The following SEC11C variants were observed in gnomAD, a reference collection of about 807,000 sequenced individuals.
SEC11C encodes signal peptidase complex catalytic subunit SEC11C.
A neutral mutation model predicts 21.9 loss-of-function variants in SEC11C; 10 were observed. That is an observed-to-expected ratio of 0.46 (90% CI 0.28 to 0.77). The LOEUF is 0.77. Ranked by LOEUF, SEC11C falls within the 30% of genes least tolerant of loss-of-function variation. The pLI, the probability that SEC11C is intolerant of heterozygous loss-of-function variation, is 0.12. For synonymous variants in SEC11C, 83 were observed against 85.6 expected, an observed-to-expected ratio of 0.97 and a Z score of 0.17; for missense variants, 145 against 244.5, an observed-to-expected ratio of 0.59 and a Z score of 2.71.
At chr18:59,155,361 G>A (rs576305284) in intron 3 of SEC11C, among the ~76,000 whole-genome samples, 15 of 152,150 alleles carry the variant, frequency 9.9e-5, no homozygotes, top group Admixed American at 7.9e-4. Context: ...TAGTTTATTC[G>A]TCATTCCCAG....
chr18:59,142,941 T>C (rs2144024210), intron 1 of SEC11C, among the ~76,000 whole-genome samples: 1 of 152,316 alleles, frequency 6.6e-6, no homozygotes, highest in Non-Finnish European at 1.5e-5. Context: ...GTTTAACATA[T>C]TATAGCCCAA....
chr18:59,148,905 G>A (rs908806461), intron 1 of SEC11C, among the ~76,000 whole-genome samples: 3 of 151,796 alleles, frequency 2.0e-5, no homozygotes, highest in Non-Finnish European at 4.4e-5. Flanking sequence ...GTGAGCCACT[G>A]TGCCCAGCCC....
intron 2 of SEC11C, among the ~76,000 whole-genome samples, chr18:59,151,051 T>C (rs567570074): frequency 1.3e-5 from 2 of 152,292 alleles, no homozygotes; most frequent in East Asian, 3.9e-4. Context: ...TGTGTGGTTT[T>C]TGGGGGAATC....
chr18:59,157,948 A>G (rs533431757), intron 5 of SEC11C, among the ~76,000 whole-genome samples: 138 of 152,258 alleles, frequency 9.1e-4, no homozygotes, highest in African/African-American at 3.1e-3. Context: ...AGTACCATAA[A>G]CCAGTAATGC....
rs144473060 is a variant in SEC11C at position 59,140,630 on chromosome 18, G to A, written c.87+595G>A. Among the ~76,000 whole-genome samples, 980 of 152,340 alleles carry A rather than the reference G, an allele frequency of 6.4e-3. 5 individuals are homozygous for A. The highest frequency in any genetic ancestry group is 0.022 in the African/African-American group (929 of 41,582). Reference sequence around the variant, plus strand: ...ATTGTGGACTCAACCAGTGTTCCCAGCGAGATTCCAGAAGCCTTCTCTAAC... The same window carrying A: ...ATTGTGGACTCAACCAGTGTTCCCAACGAGATTCCAGAAGCCTTCTCTAAC... On this transcript the variant is annotated intron_variant, in intron 1 of 5. Transcript: ENST00000587834.
intron 2 of SEC11C, among the ~76,000 whole-genome samples, chr18:59,151,647 C>T (rs1286163378): frequency 2.0e-5 from 3 of 152,246 alleles, no homozygotes; most frequent in East Asian, 3.9e-4. Flanking sequence ...GCCAGCTTCC[C>T]GAACTCCTGT....
In SEC11C at chr18:59,152,428, AT is replaced by A. The variant is rs2069367304; in HGVS notation, c.198-107del. ...GAAGGAAGCCACATTGGCTCGTTTT[AT>A]AGCTCCTGAGACCTACTTGACTATT... On this transcript the variant is annotated intron_variant, in intron 2 of 5. Transcript: ENST00000587834. 6 of 1,244,788 alleles carry A rather than the reference AT, an allele frequency of 4.8e-6. No individual in the cohort carries two copies. The East Asian group carries it at 1.5e-4, about 31-fold the overall frequency. The allele number at this position is 1,244,788 out of a possible 1,614,324, so 77.1% of individuals were successfully genotyped here.
chr18:59,155,548 AGACT>A, intron 3 of SEC11C, 136 bp from the exon 4 acceptor site: 1 of 757,922 alleles, frequency 1.3e-6, no homozygotes, highest in South Asian at 1.9e-5. Context: ...CAGTCATCTT[AGACT>A]AAAGGAAGGT....
At chr18:59,154,419 G>C (rs180886747) in intron 3 of SEC11C, among the ~76,000 whole-genome samples, 101 of 152,042 alleles carry the variant, frequency 6.6e-4, no homozygotes, top group Admixed American at 1.4e-3. Context: ...TTTTTCATCT[G>C]TCTTACTGAA....
At chr18:59,141,144 T>TC (rs11422041) in intron 1 of SEC11C, among the ~76,000 whole-genome samples, 12,536 of 147,606 alleles carry the variant, frequency 0.085, 1,717 homozygotes, top group African/African-American at 0.28. Context: ...TACGTGTTTT[T>TC]CCCCTCTCAC....
At chr18:59,157,551 G>T in intron 4 of SEC11C, 57 bp from the exon 5 acceptor site, 1 of 1,123,956 alleles carries the variant, frequency 8.9e-7, no homozygotes, top group Non-Finnish European at 1.4e-6. Flanking sequence ...TTCAGATGTT[G>T]CCATCATCAT....
At chr18:59,144,925 C>T (rs900924504) in intron 1 of SEC11C, among the ~76,000 whole-genome samples, 2 of 151,962 alleles carry the variant, frequency 1.3e-5, no homozygotes, top group African/African-American at 4.8e-5. Flanking sequence ...GATTTGTTTG[C>T]ACTCACCATT....
intron 1 of SEC11C, 89 bp downstream of exon 1, chr18:59,140,124 A>G (rs2069192306): frequency 2.4e-6 from 3 of 1,229,818 alleles, no homozygotes; most frequent in Non-Finnish European, 3.3e-6. Flanking sequence ...TCCGGCTCCC[A>G]GTGAATGCGG....
chr18:59,149,469 T>C (rs768428619), intron 1 of SEC11C, 44 bp from the exon 2 acceptor site: 1 of 1,303,742 alleles, frequency 7.7e-7, no homozygotes, highest in Admixed American at 1.7e-5. Context: ...TTGGTGGATC[T>C]TCTGCTATTG....
At chr18:59,155,539 A>T in intron 3 of SEC11C, 149 bp from the exon 4 acceptor site, 1 of 670,686 alleles carries the variant, frequency 1.5e-6, no homozygotes, top group Non-Finnish European at 2.4e-6. Context: ...TGTCTTAAGC[A>T]GTCATCTTAG....
rs528338795 is a variant in SEC11C at position 59,158,802 on chromosome 18, G to A, written c.*117G>A. On this transcript the variant is annotated 3_prime_UTR_variant, in exon 6 of 6. Transcript: ENST00000587834. ...AAGGGAACAGTGTGGAGATGTTTTT[G>A]TCTTGTCCAAATAAAAGATTCACCA... 4.7e-6 allele frequency: 4 copies of A among 856,736 alleles called. No homozygotes were observed. The highest frequency in any genetic ancestry group is 2.6e-5 in the East Asian group (1 of 38,524). The allele number at this position is 856,736 out of a possible 1,614,324, so 53.1% of individuals were successfully genotyped here. A position where few individuals can be genotyped will look rare whatever the true frequency, so the allele number is the denominator to read the frequency against.
At chr18:59,143,774 C>T (rs1008385651) in intron 1 of SEC11C, among the ~76,000 whole-genome samples, 1 of 152,140 alleles carries the variant, frequency 6.6e-6, no homozygotes. Flanking sequence ...TATTTTCCTC[C>T]CCCAACCCAA....
chr18:59,152,485 C>T (rs888056537), intron 2 of SEC11C, 51 bp from the exon 3 acceptor site: 11 of 1,528,946 alleles, frequency 7.2e-6, no homozygotes, highest in East Asian at 4.6e-5. Context: ...CTATTCTGAT[C>T]GCCTTTTGGA....
Position 59,140,040 on chromosome 18 carries a change from CGGA to C in SEC11C, c.87+11_87+13del, listed in dbSNP as rs1207335756. The stretch of plus-strand genomic sequence containing the variant: ...AAGAAGATGAACAAGCGCCAGGTGA[CGGA>C]GGAGGGTGGTGAGCGCGCCGTGGCC... On this transcript the variant is annotated splice_donor_region_variant and intron_variant, in intron 1 of 5. Transcript: ENST00000587834. 1 of 1,580,510 alleles carries C rather than the reference CGGA, an allele frequency of 6.3e-7. No individual in the cohort carries two copies. The highest frequency in any genetic ancestry group is 8.6e-7 in the Non-Finnish European group (1 of 1,159,708).
Sources: allele counts gnomAD v4.1 joint callset (sites outside exome capture counted in the v4.1 genomes callset), GRCh38; gene constraint gnomAD v4.1.1; transcripts MANE v1.5; gene names NCBI Gene and HGNC (gene_info 2026-07-23, HGNC 2026-07-21).